Variants in CLYBL observed in about 807,000 individuals in gnomAD.
CLYBL encodes the protein citramalyl-CoA lyase, mitochondrial.
CLYBL carries 31 observed loss-of-function variants against 38.9 expected under a neutral mutation model. That is an observed-to-expected ratio of 0.80 (90% CI 0.60 to 1.08). The LOEUF (loss-of-function observed/expected upper bound fraction) is 1.08, where lower values mean the gene tolerates loss of function less well. Ranked by LOEUF, CLYBL falls within the 50% of genes least tolerant of loss-of-function variation. The probability of loss-of-function intolerance (pLI) is 0.00; values close to 1 mark genes in which losing one functional copy is unlikely to be tolerated. For synonymous variants in CLYBL, 171 were observed against 158.6 expected, an observed-to-expected ratio of 1.08 and a Z score of -0.59; for missense variants, 434 against 411.6, an observed-to-expected ratio of 1.05 and a Z score of -0.47.
In CLYBL at chr13:99,869,282, A is replaced by C. The variant is rs527876552; in HGVS notation, c.803-1656A>C. 5.9e-5 allele frequency among the ~76,000 whole-genome samples: 9 copies of C among 152,306 alleles called. No homozygotes were observed. The highest frequency in any genetic ancestry group is 5.8e-4 in the East Asian group (3 of 5,188). ...CTCCTCAAATTATAGTGCATGTACCAAGAAGTTCCCATGAAATCTGGCTTT... is the reference window on the plus strand; with the variant it reads ...CTCCTCAAATTATAGTGCATGTACCCAGAAGTTCCCATGAAATCTGGCTTT... On this transcript the variant is annotated intron_variant, in intron 6 of 8. Transcript: ENST00000339105. The surrounding 1 kb of genome is among the most constrained non-coding windows in gnomAD (Gnocchi z 4.3).
chr13:99,863,791 C>A (rs769057026), intron 4 of CLYBL, among the ~76,000 whole-genome samples: 1 of 152,148 alleles, frequency 6.6e-6, no homozygotes, highest in South Asian at 2.1e-4. Context: ...CAATCTAGCA[C>A]CCCCTTTCAG....
chr13:99,677,149 T>C (rs1406939848), intron 1 of CLYBL, among the ~76,000 whole-genome samples: 6 of 152,094 alleles, frequency 3.9e-5, no homozygotes, highest in Non-Finnish European at 7.4e-5. Context: ...ATAAGTCACC[T>C]CAAAAAGGGC....
intron 1 of CLYBL, among the ~76,000 whole-genome samples, chr13:99,712,872 T>A (rs2048256538): frequency 1.3e-5 from 2 of 152,192 alleles, no homozygotes; most frequent in African/African-American, 4.8e-5. Flanking sequence ...CTGTTTGTAC[T>A]CTGTATTTCC....
intron 2 of CLYBL, among the ~76,000 whole-genome samples, chr13:99,837,888 C>A (rs1346236455): frequency 6.6e-6 from 1 of 152,184 alleles, no homozygotes; most frequent in Admixed American, 6.5e-5. Context: ...TCTCTACATA[C>A]CAAAACGTGT....
At chr13:99,631,758 C>T (rs2046949365) in intron 1 of CLYBL, among the ~76,000 whole-genome samples, 1 of 152,016 alleles carries the variant, frequency 6.6e-6, no homozygotes, top group African/African-American at 2.4e-5. Flanking sequence ...ACCACCACGC[C>T]CAGCTAATTT....
intron 1 of CLYBL, among the ~76,000 whole-genome samples, chr13:99,708,890 C>T (rs937850422): frequency 1.1e-4 from 16 of 152,014 alleles, no homozygotes; most frequent in African/African-American, 3.9e-4. Flanking sequence ...GGCAGGAGTT[C>T]GAGATCAGCC....
intron 1 of CLYBL, among the ~76,000 whole-genome samples, chr13:99,665,648 T>G (rs182490292): frequency 1.3e-5 from 2 of 152,232 alleles, no homozygotes; most frequent in Admixed American, 1.3e-4. Context: ...GCAGTCTATT[T>G]GGAATTTCAC....
At chr13:99,731,109 C>T (rs1029323605) in intron 1 of CLYBL, among the ~76,000 whole-genome samples, 9 of 125,648 alleles carry the variant, frequency 7.2e-5, no homozygotes, top group South Asian at 2.6e-4. Flanking sequence ...AAAAAAAAGG[C>T]GGGGGCTTGG....
chr13:99,700,666 G>A lies in CLYBL; in HGVS notation c.63-72158G>A, dbSNP rs1052894690. 2.0e-5 allele frequency among the ~76,000 whole-genome samples: 3 copies of A among 152,130 alleles called. No homozygotes were observed. In the East Asian group the frequency reaches 5.8e-4, roughly 29 times the overall value. ...CCCGAAGCCTTGATGTCCCTTTCACGTTGAAGGACCTCACTGGTCTTGGCT... is the reference window on the plus strand; with the variant it reads ...CCCGAAGCCTTGATGTCCCTTTCACATTGAAGGACCTCACTGGTCTTGGCT... On this transcript the variant is annotated intron_variant, in intron 1 of 8. Transcript: ENST00000339105.
At chr13:99,713,506 AT>A (rs1418260192) in intron 1 of CLYBL, among the ~76,000 whole-genome samples, 1 of 150,402 alleles carries the variant, frequency 6.6e-6, no homozygotes, top group Non-Finnish European at 1.5e-5. Context: ...TGCCTGGCTA[AT>A]TTTTGTATTT....
intron 1 of CLYBL, among the ~76,000 whole-genome samples, chr13:99,650,135 C>T (rs1240718617): frequency 3.9e-5 from 6 of 152,068 alleles, no homozygotes; most frequent in East Asian, 1.9e-4. Context: ...TGGTGGCGGG[C>T]GCCTATAGTC....
At chr13:99,658,090 G>A (rs974430131) in intron 1 of CLYBL, among the ~76,000 whole-genome samples, 7 of 152,222 alleles carry the variant, frequency 4.6e-5, no homozygotes, top group Non-Finnish European at 1.0e-4. Flanking sequence ...GGGGCACAGG[G>A]ACGTCATGGA....
intron 2 of CLYBL, among the ~76,000 whole-genome samples, chr13:99,780,961 G>A (rs924488849): frequency 1.3e-5 from 2 of 150,978 alleles, no homozygotes; most frequent in African/African-American, 4.9e-5. Flanking sequence ...CAATCCACCC[G>A]CCTCGGCCTC....
intron 1 of CLYBL, among the ~76,000 whole-genome samples, chr13:99,628,909 A>C (rs768836838): frequency 1.3e-5 from 2 of 152,174 alleles, no homozygotes; most frequent in Non-Finnish European, 2.9e-5. Flanking sequence ...CCTTGCTACA[A>C]GTGTAAGAAT....
intron 1 of CLYBL, among the ~76,000 whole-genome samples, chr13:99,694,655 C>T (rs538205202): frequency 1.8e-4 from 28 of 152,124 alleles, no homozygotes; most frequent in Non-Finnish European, 2.9e-4. Flanking sequence ...ATTAATTAAC[C>T]GAGGAGCACG....
chr13:99,662,900 T>G (rs575123654), intron 1 of CLYBL, among the ~76,000 whole-genome samples: 1 of 152,364 alleles, frequency 6.6e-6, no homozygotes, highest in African/African-American at 2.4e-5. Context: ...CCGGCCACTG[T>G]TCAAGGACTT....
At chr13:99,751,057 C>T (rs991942300) in intron 1 of CLYBL, among the ~76,000 whole-genome samples, 5 of 152,074 alleles carry the variant, frequency 3.3e-5, no homozygotes, top group Admixed American at 1.3e-4. Flanking sequence ...CAGCCATGTT[C>T]GTAGCAGCAC....
chr13:99,862,233 T>C (rs2051620482), intron 3 of CLYBL, among the ~76,000 whole-genome samples: 1 of 152,222 alleles, frequency 6.6e-6, no homozygotes, highest in East Asian at 1.9e-4. Flanking sequence ...TCTCTATCTA[T>C]CTCCCCACAT....
intron 7 of CLYBL, among the ~76,000 whole-genome samples, chr13:99,876,468 G>A (rs1011190074): frequency 1.1e-4 from 16 of 150,660 alleles, no homozygotes; most frequent in African/African-American, 3.9e-4. Flanking sequence ...GATTAAATCG[G>A]ACAATGTTTT....
Sources: gnomAD v4.1 joint callset for allele counts (sites outside exome capture counted in the v4.1 genomes callset) on GRCh38, gnomAD v4.1.1 for gene constraint, Gnocchi (gnomAD v3.1) non-coding constraint, MANE v1.5 for transcripts, NCBI Gene and HGNC (gene_info 2026-07-23, HGNC 2026-07-21) for gene names.